The following KYAT3 variants were observed in gnomAD, a reference collection of about 807,000 sequenced individuals.
KYAT3 encodes the protein kynurenine--oxoglutarate transaminase 3.
Under a neutral mutation model 59.0 loss-of-function variants are expected in KYAT3, and 50 were observed. That is an observed-to-expected ratio of 0.85 (90% confidence interval 0.68 to 1.07). The LOEUF is 1.07. Ranked by LOEUF, KYAT3 falls within the 50% of genes least tolerant of loss-of-function variation. The pLI, the probability that KYAT3 is intolerant of heterozygous loss-of-function variation, is 0.00. For synonymous variants in KYAT3, 148 were observed against 177.0 expected, an observed-to-expected ratio of 0.84 and a Z score of 1.30; for missense variants, 497 against 533.3, an observed-to-expected ratio of 0.93 and a Z score of 0.67.
At chr1:88,941,545 A>G (rs78047166) in intron 13 of KYAT3, among the ~76,000 whole-genome samples, 3 of 106,416 alleles carry the variant, frequency 2.8e-5, no homozygotes, top group Non-Finnish European at 4.2e-5. Context: ...TTTTTTTTTT[A>G]TGTCAGTGCT....
In KYAT3 at chr1:88,984,204, C is replaced by CTTTTTTTTTTTT. The variant is rs908183722; in HGVS notation, c.99+4036_99+4047dup. ...ATTAACAGGAGCCCTTTTTTTGTTG[C>CTTTTTTTTTTTT]TTTTTTTTTTTTTTTTTTTTTTTTT... is the stretch of plus-strand genomic sequence containing the variant. On this transcript the variant is annotated intron_variant, in intron 2 of 13. Transcript: ENST00000260508. 1.3e-3 allele frequency: 106 copies of CTTTTTTTTTTTT among 81,478 alleles called. 5 individuals carry two copies. Among genetic ancestry groups the CTTTTTTTTTTTT allele is most frequent in the Non-Finnish European group, 2.2e-3 (83 of 38,172 alleles). 5.0% of individuals were successfully genotyped at this position (81,478 alleles called of 1,614,324 possible).
rs143787018 is a variant in KYAT3 at position 88,978,086 on chromosome 1, G to A, written c.100-8619C>T. 7.3e-3 allele frequency among the ~76,000 whole-genome samples: 1,113 copies of A among 151,828 alleles called. 40 individuals are homozygous for A. The highest frequency in any genetic ancestry group is 0.061 in the Admixed American group (922 of 15,224). Reference sequence around the variant, plus strand: ...GTATGTATATAATATATACACATATGTATATATGTATATAATATACACATG... The same window carrying A: ...GTATGTATATAATATATACACATATATATATATGTATATAATATACACATG... On this transcript the variant is annotated intron_variant, in intron 2 of 13. Transcript: ENST00000260508.
chr1:88,978,247 TC>T (rs1676891114), intron 2 of KYAT3, among the ~76,000 whole-genome samples: 1 of 152,228 alleles, frequency 6.6e-6, no homozygotes, highest in African/African-American at 2.4e-5. Flanking sequence ...ACTGTTATGT[TC>T]TTTCCTAGCT....
chr1:88,921,820 C>T, the KYAT3 span, among the ~76,000 whole-genome samples: 2 of 152,294 alleles, frequency 1.3e-5, no homozygotes, highest in South Asian at 2.1e-4. Context: ...GATAGATTCT[C>T]TTTAACTCAG....
At chr1:88,989,924 T>C (rs2101104329) in intron 1 of KYAT3, among the ~76,000 whole-genome samples, 1 of 152,330 alleles carries the variant, frequency 6.6e-6, no homozygotes, top group Middle Eastern at 3.4e-3. Flanking sequence ...CACAGATTTG[T>C]GGTCATCAGT....
At chr1:88,964,558 C>T (rs781265608) in intron 5 of KYAT3, 125 of 359,810 alleles carry the variant, frequency 3.5e-4, no homozygotes, top group Non-Finnish European at 5.4e-4. Flanking sequence ...GTACTTACCT[C>T]TGGGAGAATA....
At chr1:88,972,471 C>T (rs1362213685) in intron 2 of KYAT3, among the ~76,000 whole-genome samples, 1 of 152,198 alleles carries the variant, frequency 6.6e-6, no homozygotes, top group Admixed American at 6.5e-5. Context: ...AAAAACCTCA[C>T]TCACATTACA....
At chr1:88,992,214 G>A (rs919888920) in intron 1 of KYAT3, among the ~76,000 whole-genome samples, 2 of 152,146 alleles carry the variant, frequency 1.3e-5, no homozygotes, top group African/African-American at 4.8e-5. Context: ...TCCTGACCTC[G>A]TGATCCGCCC....
intron 2 of KYAT3, chr1:88,982,368 C>A (rs1167715488): frequency 3.9e-6 from 3 of 762,154 alleles, no homozygotes; most frequent in Non-Finnish European, 5.4e-6. Context: ...AGGAAGTGGT[C>A]TTTAGGGACA....
At chr1:88,932,258 T>G (rs114996252), downstream of KYAT3, among the ~76,000 whole-genome samples, 1,299 of 152,300 alleles carry the variant, frequency 8.5e-3, 15 homozygotes, top group African/African-American at 0.03. Context: ...CTTTGTTAAT[T>G]TTCATTGCCA....
At chr1:88,949,910 G>A (rs998740000) in intron 10 of KYAT3, among the ~76,000 whole-genome samples, 1 of 152,182 alleles carries the variant, frequency 6.6e-6, no homozygotes, top group African/African-American at 2.4e-5. Flanking sequence ...CTGAATGTTT[G>A]TGCCCACTCT....
At chr1:88,926,939 C>T in the KYAT3 span, among the ~76,000 whole-genome samples, 4 of 152,178 alleles carry the variant, frequency 2.6e-5, no homozygotes, top group Non-Finnish European at 4.4e-5. Flanking sequence ...CTAGGACTCA[C>T]CCCTGAGCAC....
intron 5 of KYAT3, chr1:88,964,548 G>A: frequency 2.9e-6 from 1 of 342,678 alleles, no homozygotes; most frequent in Non-Finnish European, 5.5e-6. Context: ...AGACAGAAGA[G>A]TACTTACCTC....
rs763693059 is a variant in KYAT3 at position 88,968,817 on chromosome 1, A to G, written c.159-3T>C. The G allele has an allele frequency of 1.3e-6, 2 of 1,571,884 alleles. No individual in the cohort carries two copies. The highest frequency in any genetic ancestry group is 1.7e-6 in the Non-Finnish European group (2 of 1,167,382). ...CAGCCAATTTGGTAAATTCAATCCTAAGATTGAAAAAAATACTAATATTAA... is the reference window on the plus strand; with the variant it reads ...CAGCCAATTTGGTAAATTCAATCCTGAGATTGAAAAAAATACTAATATTAA... On this transcript the variant is annotated splice_region_variant and splice_polypyrimidine_tract_variant and intron_variant, in intron 3 of 13. Transcript: ENST00000260508.
intron 2 of KYAT3, among the ~76,000 whole-genome samples, chr1:88,987,726 T>TA (rs1262380933): frequency 3.3e-5 from 5 of 152,224 alleles, no homozygotes; most frequent in Non-Finnish European, 7.3e-5. Context: ...GCATATTATC[T>TA]AAAAAATATT....
At chr1:88,983,165 G>C in intron 2 of KYAT3, 1 of 1,612,584 alleles carries the variant, frequency 6.2e-7, no homozygotes, top group Non-Finnish European at 8.5e-7. Flanking sequence ...ATCTCTGCTT[G>C]AATAGCTGTC....
chr1:88,962,943 C>T (rs770726730), intron 5 of KYAT3, among the ~76,000 whole-genome samples: 20 of 151,062 alleles, frequency 1.3e-4, no homozygotes, highest in African/African-American at 2.2e-4. Flanking sequence ...TGTTACTCTT[C>T]GCCTTGATTT....
chr1:88,958,585 T>A (rs1008160771), intron 8 of KYAT3, among the ~76,000 whole-genome samples: 9 of 152,196 alleles, frequency 5.9e-5, no homozygotes, highest in Non-Finnish European at 1.2e-4. Context: ...TCTTAAGCCT[T>A]TAGCAAATAC....
At chr1:88,958,504 T>A (rs1676011916) in intron 8 of KYAT3, among the ~76,000 whole-genome samples, 1 of 152,116 alleles carries the variant, frequency 6.6e-6, no homozygotes, top group Non-Finnish European at 1.5e-5. Context: ...GTAAGCTCAC[T>A]GGCACTCTGG....
Sources: gnomAD v4.1 joint callset for allele counts (sites outside exome capture counted in the v4.1 genomes callset) on GRCh38, gnomAD v4.1.1 for gene constraint, MANE v1.5 for transcripts, NCBI Gene and HGNC (gene_info 2026-07-23, HGNC 2026-07-21) for gene names.